Variants in SYT9 observed in about 807,000 individuals in gnomAD.
SYT9 encodes synaptotagmin-9.
A neutral mutation model predicts 48.4 loss-of-function variants in SYT9; 22 were observed. The observed-to-expected ratio is 0.45, with a 90% confidence interval of 0.32 to 0.65. The LOEUF is 0.65. SYT9 is among the 30% of genes least tolerant of loss of function. SYT9 has a pLI of 0.03. For synonymous variants in SYT9, 265 were observed against 245.0 expected, an observed-to-expected ratio of 1.08 and a Z score of -0.76; for missense variants, 577 against 622.0, an observed-to-expected ratio of 0.93 and a Z score of 0.77.
Position 7,388,216 on chromosome 11 carries a change from C to G in SYT9, c.1045-27826C>G, listed in dbSNP as rs78904598. Among the ~76,000 whole-genome samples, 117 of 152,216 alleles carry G rather than the reference C, an allele frequency of 7.7e-4. 1 individual carries two copies. Among genetic ancestry groups the G allele is most frequent in the African/African-American group, 2.6e-3 (107 of 41,538 alleles). On this transcript the variant is annotated intron_variant, in intron 3 of 6. Coordinates refer to ENST00000318881, the MANE Select transcript of SYT9 (RefSeq NM_175733.4). ...CATTCAGAGTCAGTATTTCTCATATCTAGTTTATGAGTTTTGTGTTTTAAA... is the reference window on the plus strand; with the variant it reads ...CATTCAGAGTCAGTATTTCTCATATGTAGTTTATGAGTTTTGTGTTTTAAA...
In SYT9 at chr11:7,448,578, G is replaced by A. The variant is rs141190449; in HGVS notation, c.1468-18214G>A. 2.7e-3 allele frequency among the ~76,000 whole-genome samples: 417 copies of A among 152,340 alleles called. 3 individuals are homozygous for A. The highest frequency in any genetic ancestry group is 3.6e-3 in the Non-Finnish European group (245 of 68,036). On this transcript the variant is annotated intron_variant, in intron 6 of 6. Coordinates refer to ENST00000318881, the MANE Select transcript of SYT9 (RefSeq NM_175733.4). The stretch of plus-strand genomic sequence containing the variant: ...GCAATTTCATGCTGCGATTATGCAC[G>A]TCAATCTACGCTGAAAATGGCAACT...
At position 7,390,757 on chromosome 11, in the gene SYT9, C is replaced by G. The variant is rs144035419; in HGVS notation, c.1045-25285C>G. Among the ~76,000 whole-genome samples, 406 of 152,228 alleles carry G rather than the reference C, an allele frequency of 2.7e-3. 2 individuals are homozygous for G. The highest frequency in any genetic ancestry group is 9.4e-3 in the African/African-American group (391 of 41,534). ...ACCATCAGGGCATATTCTCTGAACT[C>G]AAGGCAATAAAGCTACAAGACAAAG... On this transcript the variant is annotated intron_variant, in intron 3 of 6. Coordinates refer to ENST00000318881, the MANE Select transcript of SYT9 (RefSeq NM_175733.4).
rs545541263 is a variant in SYT9 at position 7,270,338 on chromosome 11, G to A, written c.145+18007G>A. 2.0e-3 allele frequency among the ~76,000 whole-genome samples: 299 copies of A among 152,258 alleles called. 1 individual carries two copies. Among genetic ancestry groups the A allele is most frequent in the Non-Finnish European group, 2.9e-3 (194 of 68,018 alleles). ...TCATAAACGCTGTTATAGGCTGTTTGATTTAGGACAGATTCAGCTAGATTA... is the reference window on the plus strand; with the variant it reads ...TCATAAACGCTGTTATAGGCTGTTTAATTTAGGACAGATTCAGCTAGATTA... On this transcript the variant is annotated intron_variant, in intron 1 of 6. Transcript: ENST00000318881.
Position 7,252,620 on chromosome 11 carries a change from C to T in SYT9, c.145+289C>T, listed in dbSNP as rs575150713. ...TCGCCAAGGCTCCTGGGGGCGGCTC[C>T]CTAGCTCCGAGCTACGCTCTCCACT... On this transcript the variant is annotated intron_variant, in intron 1 of 6. Coordinates refer to ENST00000318881, the MANE Select transcript of SYT9 (RefSeq NM_175733.4). This position sits in a 1 kb window ranked among gnomAD's most constrained non-coding sequence, Gnocchi z 6.3. Among the ~76,000 whole-genome samples, 21 of 152,204 alleles carry T rather than the reference C, an allele frequency of 1.4e-4. No homozygotes were observed. The highest frequency in any genetic ancestry group is 2.5e-4 in the Non-Finnish European group (17 of 68,034).
intron 1 of SYT9, among the ~76,000 whole-genome samples, chr11:7,291,717 A>G (rs1203436814): frequency 6.6e-6 from 1 of 152,006 alleles, no homozygotes; most frequent in Non-Finnish European, 1.5e-5. Flanking sequence ...TCCTCGTGTA[A>G]CTCTCTTCAT....
upstream of SYT9, among the ~76,000 whole-genome samples, chr11:7,250,102 C>T (rs1847841415): frequency 6.6e-6 from 1 of 152,176 alleles, no homozygotes; most frequent in African/African-American, 2.4e-5. Flanking sequence ...TGCCAGTCTT[C>T]ACTCTCTCCT....
intron 1 of SYT9, among the ~76,000 whole-genome samples, chr11:7,300,586 T>C (rs2133933394): frequency 6.6e-6 from 1 of 152,338 alleles, no homozygotes; most frequent in Non-Finnish European, 1.5e-5. Flanking sequence ...GGTGGTGGTC[T>C]CCTAGCAGTG....
chr11:7,419,258 G>T (rs922133392), intron 5 of SYT9, among the ~76,000 whole-genome samples: 2 of 152,208 alleles, frequency 1.3e-5, no homozygotes, highest in African/African-American at 4.8e-5. Flanking sequence ...GATTATGTGA[G>T]CTCTGCCTTA....
chr11:7,338,466 C>T (rs1849664096), intron 3 of SYT9, among the ~76,000 whole-genome samples: 1 of 152,126 alleles, frequency 6.6e-6, no homozygotes, highest in South Asian at 2.1e-4. Context: ...ACCTTTCTAG[C>T]TTTTTGATGT....
chr11:7,308,773 C>T (rs1849078618), intron 2 of SYT9, among the ~76,000 whole-genome samples: 1 of 152,198 alleles, frequency 6.6e-6, no homozygotes, highest in Non-Finnish European at 1.5e-5. Flanking sequence ...TGCCTCTCTG[C>T]ACCTTCCACC....
At chr11:7,450,038 T>TA (rs1259315251) in intron 6 of SYT9, among the ~76,000 whole-genome samples, 1 of 152,174 alleles carries the variant, frequency 6.6e-6, no homozygotes, top group Non-Finnish European at 1.5e-5. Flanking sequence ...CTCCGATGAA[T>TA]AATAATCCAA....
intron 2 of SYT9, among the ~76,000 whole-genome samples, chr11:7,308,240 A>G (rs1382137525): frequency 6.6e-6 from 1 of 152,200 alleles, no homozygotes; most frequent in Non-Finnish European, 1.5e-5. Context: ...TTCTGAAACC[A>G]CAATTTGCTT....
At chr11:7,291,913 G>A (rs550315532) in intron 1 of SYT9, among the ~76,000 whole-genome samples, 41 of 152,288 alleles carry the variant, frequency 2.7e-4, no homozygotes, top group East Asian at 2.3e-3. Context: ...CCTGGGGTTT[G>A]GAGCAAGGAC....
At chr11:7,276,077 C>A (rs1350160851) in intron 1 of SYT9, among the ~76,000 whole-genome samples, 1 of 152,134 alleles carries the variant, frequency 6.6e-6, no homozygotes, top group Admixed American at 6.5e-5. Context: ...CCATCCCCCA[C>A]CCCCAGACTG....
At chr11:7,288,880 C>A (rs1045525624) in intron 1 of SYT9, among the ~76,000 whole-genome samples, 2 of 152,200 alleles carry the variant, frequency 1.3e-5, no homozygotes, top group African/African-American at 4.8e-5. Flanking sequence ...TTATTCCTGT[C>A]TCCAGTGCTC....
In SYT9 at chr11:7,303,029, T is replaced by C. The variant is rs776870456; in HGVS notation, c.146-10T>C. ...GACCACACTGACCTTTGATCTTTGC[T>C]TCTTTGCAGATATCTCAGTGAGCCT... On this transcript the variant is annotated splice_polypyrimidine_tract_variant and intron_variant, in intron 1 of 6. Coordinates refer to ENST00000318881, the MANE Select transcript of SYT9 (RefSeq NM_175733.4). 7 of 1,612,268 alleles carry C rather than the reference T, an allele frequency of 4.3e-6. No individual in the cohort carries two copies. The highest frequency in any genetic ancestry group is 5.1e-6 in the Non-Finnish European group (6 of 1,178,426).
intron 3 of SYT9, among the ~76,000 whole-genome samples, chr11:7,339,286 G>A (rs1302791910): frequency 1.3e-5 from 2 of 152,050 alleles, no homozygotes; most frequent in Non-Finnish European, 2.9e-5. Context: ...CATGTCCTTG[G>A]GTCATGCTTT....
intron 1 of SYT9, among the ~76,000 whole-genome samples, chr11:7,272,429 T>G (rs1476742983): frequency 6.6e-6 from 1 of 152,208 alleles, no homozygotes; most frequent in Non-Finnish European, 1.5e-5. Context: ...TCTCTCCTCT[T>G]TTTTCATCTT....
chr11:7,251,885 G>A (rs1427168711), upstream of SYT9: 1 of 284,300 alleles, frequency 3.5e-6, no homozygotes, highest in African/African-American at 2.2e-5. Flanking sequence ...AGTAGCGGGC[G>A]GAGCGCAAGC....
Sources: allele counts gnomAD v4.1 joint callset (sites outside exome capture counted in the v4.1 genomes callset), GRCh38; gene constraint gnomAD v4.1.1; non-coding constraint Gnocchi (gnomAD v3.1); transcripts MANE v1.5; gene names NCBI Gene and HGNC (gene_info 2026-07-23, HGNC 2026-07-21).